Variants in RAB40C observed in about 807,000 individuals in gnomAD.
RAB40C encodes the protein ras-related protein Rab-40C.
Under a neutral mutation model 28.1 loss-of-function variants are expected in RAB40C, and 8 were observed. The observed-to-expected ratio is 0.28, with a 90% CI of 0.17 to 0.51. The LOEUF is 0.51. RAB40C is among the 20% of genes least tolerant of loss of function. The probability of loss-of-function intolerance (pLI) is 0.97; values close to 1 mark genes in which losing one functional copy is unlikely to be tolerated. For missense variants in RAB40C, 288 were observed against 405.9 expected, an observed-to-expected ratio of 0.71 and a Z score of 2.50; for synonymous variants, 201 against 171.7, an observed-to-expected ratio of 1.17 and a Z score of -1.34.
intron 3 of RAB40C, among the ~76,000 whole-genome samples, chr16:619,023 G>A (rs2036654145): frequency 9.0e-6 from 1 of 110,820 alleles, no homozygotes; most frequent in African/African-American, 3.8e-5. Flanking sequence ...AGTGTGTGCA[G>A]GTGTGGTGTA....
chr16:613,531 C>CA (rs1466411464), intron 1 of RAB40C, among the ~76,000 whole-genome samples: 1 of 152,270 alleles, frequency 6.6e-6, no homozygotes, highest in Non-Finnish European at 1.5e-5. Context: ...TTGCCCTTTT[C>CA]TGCGAGGCTG....
chr16:615,996 G>T (rs189158418), intron 1 of RAB40C, among the ~76,000 whole-genome samples: 4 of 151,842 alleles, frequency 2.6e-5, no homozygotes, highest in African/African-American at 9.7e-5. Context: ...AGTGGCTCAC[G>T]CCTGTAATCC....
chr16:598,100 C>T (rs192846335), intron 1 of RAB40C, among the ~76,000 whole-genome samples: 2 of 152,038 alleles, frequency 1.3e-5, no homozygotes, highest in African/African-American at 4.8e-5. Flanking sequence ...CAAAAATTGG[C>T]CAGGCATGGT....
chr16:604,698 C>T lies in RAB40C; in HGVS notation c.143-12510C>T, dbSNP rs185467534. Among the ~76,000 whole-genome samples the T allele has an allele frequency of 1.3e-3, 193 of 152,284 alleles. 3 individuals are homozygous for T. The highest frequency in any genetic ancestry group is 4.1e-3 in the African/African-American group (169 of 41,560). On this transcript the variant is annotated intron_variant, in intron 1 of 5. Coordinates refer to ENST00000248139, the MANE Select transcript of RAB40C (RefSeq NM_021168.5). ...GGAATTGCTGTCATATATGAGTGTA[C>T]GTTTTAATTTATAAGCTTGCCCAGC...
At chr16:608,559 C>T (rs2036414349) in intron 1 of RAB40C, among the ~76,000 whole-genome samples, 1 of 152,188 alleles carries the variant, frequency 6.6e-6, no homozygotes, top group Non-Finnish European at 1.5e-5. Flanking sequence ...TGTGGCATTC[C>T]CTTTACCATC....
At chr16:623,655 A>C (rs2036769365) in intron 3 of RAB40C, among the ~76,000 whole-genome samples, 1 of 151,946 alleles carries the variant, frequency 6.6e-6, no homozygotes, top group African/African-American at 2.4e-5. Context: ...AAAAAAAAGA[A>C]ATCATGCTGG....
intron 3 of RAB40C, chr16:624,560 G>A (rs1278296525): frequency 4.9e-5 from 48 of 985,300 alleles, no homozygotes; most frequent in Non-Finnish European, 5.5e-5. Flanking sequence ...GGTTCTAAGA[G>A]GCTCTAAAAA....
intron 1 of RAB40C, 127 bp from the exon 2 acceptor site, chr16:617,081 G>C (rs1391461599): frequency 7.2e-6 from 7 of 971,296 alleles, no homozygotes; most frequent in African/African-American, 1.6e-5. Context: ...CACTGGCTGA[G>C]TGTGGGGGAG....
rs538194756 is a variant in RAB40C, at chr16:608,125, C to CAGTT, written c.143-9082_143-9079dup. 4.8e-3 allele frequency among the ~76,000 whole-genome samples: 738 copies of CAGTT among 152,322 alleles called. 2 individuals carry two copies. Among genetic ancestry groups the CAGTT allele is most frequent in the Non-Finnish European group, 7.7e-3 (527 of 68,042 alleles). On this transcript the variant is annotated intron_variant, in intron 1 of 5. Transcript: ENST00000248139. ...AAAGAAAAGAGGTTTAATTGACTCA[C>CAGTT]AGTTCCGCATGGCTGCAGAGGCCTC...
At position 628,234 on chromosome 16, in the gene RAB40C, C is replaced by T. The variant is rs1330362652; in HGVS notation, c.*612C>T. ...CTGTGGTCAGAGCCCAAGCAGCACT[C>T]AGGAGAGGGGAGAAAGGAGGTGCAC... On this transcript the variant is annotated 3_prime_UTR_variant, in exon 6 of 6. Transcript: ENST00000248139. The T allele has an allele frequency of 6.6e-6, 1 of 152,284 alleles. No homozygotes were observed. Among genetic ancestry groups the T allele is most frequent in the Admixed American group, 6.5e-5 (1 of 15,280 alleles). The allele number at this position is 152,284 out of a possible 1,614,324, so 9.4% of individuals were successfully genotyped here. A position where few individuals can be genotyped will look rare whatever the true frequency, so the allele number is the denominator to read the frequency against.
In RAB40C at chr16:628,907, A is replaced by T. The variant is rs79030179; in HGVS notation, c.*1285A>T. ...TGGACTCCGCGGCACATGCTTCCCAAGGTGGTCCCACGGAGGGTGTTACTG... is the reference window on the plus strand; with the variant it reads ...TGGACTCCGCGGCACATGCTTCCCATGGTGGTCCCACGGAGGGTGTTACTG... On this transcript the variant is annotated 3_prime_UTR_variant, in exon 6 of 6. Coordinates refer to ENST00000248139, the MANE Select transcript of RAB40C (RefSeq NM_021168.5). 0.022 allele frequency: 3,348 copies of T among 153,006 alleles called. 115 individuals are homozygous for T. The highest frequency in any genetic ancestry group is 0.068 in the African/African-American group (2,840 of 41,580). 9.5% of individuals were successfully genotyped at this position (153,006 alleles called of 1,614,324 possible).
Position 626,026 on chromosome 16 carries a change from C to T in RAB40C, c.470C>T (p.Pro157Leu), listed in dbSNP as rs1190688306. 1 of 1,613,418 alleles carries T rather than the reference C, an allele frequency of 6.2e-7. No individual in the cohort carries two copies. Among genetic ancestry groups the T allele is most frequent in the Non-Finnish European group, 8.5e-7 (1 of 1,179,984 alleles). The change falls in exon 5 of 6, where the codon CCC becomes CTC. Residue 157 changes from proline to leucine, a missense_variant. Coordinates refer to ENST00000248139, the MANE Select transcript of RAB40C (RefSeq NM_021168.5). ...TGCATGACCTTCTTTGAGGTCAGCC[C>T]CCTGTGCAACTTCAACGTCATCGAG... ...KNCMTFFEVS[P>L]LCNFNVIESF...
At chr16:597,090 A>G (rs889609953) in intron 1 of RAB40C, among the ~76,000 whole-genome samples, 4 of 152,122 alleles carry the variant, frequency 2.6e-5, no homozygotes, top group South Asian at 4.1e-4. Flanking sequence ...GGTGCTGCAC[A>G]TGTAGGTAGC....
chr16:597,577 C>G (rs929849593), intron 1 of RAB40C, among the ~76,000 whole-genome samples: 1 of 151,708 alleles, frequency 6.6e-6, no homozygotes, highest in African/African-American at 2.4e-5. Flanking sequence ...TCTTGAGCCT[C>G]ATGGGTTCAA....
At chr16:601,500 G>T (rs1294507972) in intron 1 of RAB40C, among the ~76,000 whole-genome samples, 2 of 152,150 alleles carry the variant, frequency 1.3e-5, no homozygotes, top group Non-Finnish European at 2.9e-5. Flanking sequence ...ACTCCGGGCA[G>T]GTCCCCGCCG....
chr16:600,137 T>A (rs2036218882), intron 1 of RAB40C, among the ~76,000 whole-genome samples: 1 of 152,208 alleles, frequency 6.6e-6, no homozygotes, highest in Non-Finnish European at 1.5e-5. Context: ...CCCCTTGATG[T>A]TGGAGCCTCT....
intron 1 of RAB40C, among the ~76,000 whole-genome samples, chr16:600,513 G>C (rs780261827): frequency 1.8e-4 from 27 of 152,358 alleles, no homozygotes; most frequent in Non-Finnish European, 3.2e-4. Flanking sequence ...AGCACTTTGG[G>C]AGGCCGAGGC....
Position 591,059 on chromosome 16 carries a change from C to T in RAB40C, c.142+626C>T, listed in dbSNP as rs560291235. ...GGGTCCGAGGAAAGGTGTCATAGATCTGGGGGAAGGCATCATGGTCCTAAG... is the reference window on the plus strand; with the variant it reads ...GGGTCCGAGGAAAGGTGTCATAGATTTGGGGGAAGGCATCATGGTCCTAAG... On this transcript the variant is annotated intron_variant, in intron 1 of 5. Coordinates refer to ENST00000248139, the MANE Select transcript of RAB40C (RefSeq NM_021168.5). Among the ~76,000 whole-genome samples, 5 of 149,490 alleles carry T rather than the reference C, an allele frequency of 3.3e-5. No individual in the cohort carries two copies. In the East Asian group the frequency reaches 5.9e-4, roughly 18 times the overall value.
chr16:622,789 C>A (rs2036748523), intron 3 of RAB40C, among the ~76,000 whole-genome samples: 1 of 152,238 alleles, frequency 6.6e-6, no homozygotes, highest in South Asian at 2.1e-4. Flanking sequence ...CAGGCGTGAG[C>A]CACGGCGCCT....
Sources: allele counts gnomAD v4.1 joint callset (sites outside exome capture counted in the v4.1 genomes callset), GRCh38; gene constraint gnomAD v4.1.1; transcripts MANE v1.5; gene names NCBI Gene and HGNC (gene_info 2026-07-23, HGNC 2026-07-21).